GRIN2A: variants seen among roughly 807,000 people sequenced by gnomAD.
The protein encoded by GRIN2A is glutamate ionotropic receptor NMDA type subunit 2A, also known as glutamate receptor ionotropic, NMDA 2A.
A neutral mutation model predicts 113.4 loss-of-function variants in GRIN2A; 22 were observed. That is an observed-to-expected ratio of 0.19 (90% CI 0.14 to 0.28). The LOEUF (loss-of-function observed/expected upper bound fraction) is 0.28. Among genes scored for constraint, GRIN2A ranks in the 10% least tolerant of loss-of-function variants. GRIN2A has a pLI of 1.00. For missense variants in GRIN2A, 1,502 were observed against 1,887.0 expected (o/e 0.80, Z 3.78); for synonymous variants, 827 against 738.4 (o/e 1.12, Z -1.94).
chr16:9,798,571 G>A, intron 10 of GRIN2A, 107 bp from the exon 11 acceptor site: 1 of 790,820 alleles, frequency 1.3e-6, no homozygotes, highest in Non-Finnish European at 2.1e-6. Flanking sequence ...TTTCATGCTG[G>A]TGATGATGAC....
chr16:10,137,002 T>C (rs763251396), intron 2 of GRIN2A, among the ~76,000 whole-genome samples: 3 of 152,172 alleles, frequency 2.0e-5, no homozygotes, highest in African/African-American at 7.2e-5. Flanking sequence ...ATCTGGGATA[T>C]AGCATGAAAT....
chr16:9,945,376 G>T (rs2044993513), intron 2 of GRIN2A, among the ~76,000 whole-genome samples: 1 of 152,026 alleles, frequency 6.6e-6, no homozygotes, highest in African/African-American at 2.4e-5. Flanking sequence ...CATATGCCAA[G>T]GTAAGCGAGG....
intron 2 of GRIN2A, among the ~76,000 whole-genome samples, chr16:10,040,644 TAC>T (rs1328092398): frequency 1.3e-5 from 2 of 151,174 alleles, no homozygotes; most frequent in African/African-American, 4.9e-5. Context: ...ACACATAGCA[TAC>T]ACACACAAAT....
intron 2 of GRIN2A, among the ~76,000 whole-genome samples, chr16:9,980,246 C>G (rs1298931818): frequency 2.0e-5 from 3 of 151,324 alleles, no homozygotes; most frequent in Non-Finnish European, 4.4e-5. Flanking sequence ...GCACTCCAGC[C>G]TGGACAACAG....
rs2141128184 is a variant in GRIN2A, at chr16:9,763,597, C to G, written c.3947G>C (p.Arg1316Thr). The change falls in exon 13 of 13, where the codon AGG (arginine) becomes ACG (threonine). Residue 1316 changes from arginine (R) to threonine (T), a missense_variant. Arg to Thr is a moderately conservative substitution (Grantham distance 71). Coordinates refer to ENST00000330684, the MANE Select transcript of GRIN2A (RefSeq NM_001134407.3). ...AAAATTTCCCTCCAGAAGCCGTTCC[C>G]TGTCCTTGAGGCTTATGCTCCGGGA... ...RPSRSISLKD[R>T]ERLLEGNFYG... The G allele has an allele frequency of 2.5e-6, 4 of 1,613,676 alleles. No individual in the cohort carries two copies. Among genetic ancestry groups the G allele is most frequent in the Non-Finnish European group, 3.4e-6 (4 of 1,179,980 alleles).
intron 2 of GRIN2A, among the ~76,000 whole-genome samples, chr16:10,117,176 G>GCTC (rs1384004808): frequency 1.3e-5 from 2 of 152,164 alleles, no homozygotes; most frequent in African/African-American, 4.8e-5. Context: ...CACACAGTTG[G>GCTC]CTCTAGTTGT....
At chr16:10,100,710 G>A (rs2048377402) in intron 2 of GRIN2A, among the ~76,000 whole-genome samples, 1 of 152,196 alleles carries the variant, frequency 6.6e-6, no homozygotes, top group Non-Finnish European at 1.5e-5. Flanking sequence ...TGAAGGCATA[G>A]TGCCCCCCTG....
At chr16:10,023,151 C>T (rs1403894480) in intron 2 of GRIN2A, among the ~76,000 whole-genome samples, 1 of 152,148 alleles carries the variant, frequency 6.6e-6, no homozygotes, top group Non-Finnish European at 1.5e-5. Flanking sequence ...CCGACTGAGT[C>T]CACTCAGGCT....
chr16:9,917,627 T>C (rs769905902), intron 3 of GRIN2A, among the ~76,000 whole-genome samples: 15 of 152,246 alleles, frequency 9.9e-5, no homozygotes, highest in Non-Finnish European at 2.2e-4. Context: ...TTATAATAGC[T>C]AGACTCTTCA....
intron 2 of GRIN2A, among the ~76,000 whole-genome samples, chr16:10,126,785 A>G (rs2048947340): frequency 6.6e-6 from 1 of 152,190 alleles, no homozygotes; most frequent in Non-Finnish European, 1.5e-5. Flanking sequence ...TCTTTGAAAT[A>G]TGGTTTCTAG....
intron 2 of GRIN2A, among the ~76,000 whole-genome samples, chr16:10,025,444 G>A (rs2046802603): frequency 6.6e-6 from 1 of 151,808 alleles, no homozygotes; most frequent in South Asian, 2.1e-4. Flanking sequence ...TGGGACTATA[G>A]GCCTATGCCA....
At chr16:10,130,654 G>C (rs1329414365) in intron 2 of GRIN2A, among the ~76,000 whole-genome samples, 1 of 152,162 alleles carries the variant, frequency 6.6e-6, no homozygotes, top group East Asian at 1.9e-4. Context: ...TCACATGATG[G>C]AATGTTGAGG....
At chr16:9,892,475 G>T (rs116901851) in intron 3 of GRIN2A, among the ~76,000 whole-genome samples, 1 of 152,154 alleles carries the variant, frequency 6.6e-6, no homozygotes, top group Admixed American at 6.5e-5. Context: ...AAACAAGACC[G>T]AGTGGAGAGA....
chr16:9,799,756 G>A (rs954899935), intron 10 of GRIN2A, among the ~76,000 whole-genome samples: 1 of 152,102 alleles, frequency 6.6e-6, no homozygotes, highest in Non-Finnish European at 1.5e-5. Context: ...AATACACATA[G>A]CACTTTTAAA....
intron 2 of GRIN2A, among the ~76,000 whole-genome samples, chr16:10,045,755 C>T (rs781391061): frequency 3.7e-4 from 56 of 152,218 alleles, no homozygotes; most frequent in Non-Finnish European, 7.2e-4. Context: ...TCTTGGGGTG[C>T]CCCACCCAAC....
intron 2 of GRIN2A, among the ~76,000 whole-genome samples, chr16:9,945,043 G>C (rs188462226): frequency 1.3e-5 from 2 of 152,156 alleles, no homozygotes; most frequent in Non-Finnish European, 2.9e-5. Flanking sequence ...ACAATTGGCC[G>C]GGTATGGTGG....
intron 2 of GRIN2A, among the ~76,000 whole-genome samples, chr16:10,055,081 A>G (rs1416336230): frequency 6.3e-5 from 5 of 79,410 alleles, no homozygotes; most frequent in African/African-American, 2.5e-4. Context: ...AAAAAAAAAA[A>G]AAAAGAAAAA....
At chr16:9,941,082 T>A (rs1306858531) in intron 2 of GRIN2A, among the ~76,000 whole-genome samples, 1 of 152,054 alleles carries the variant, frequency 6.6e-6, no homozygotes, top group Non-Finnish European at 1.5e-5. Context: ...CTGCAAAAGG[T>A]GGTGGATCAG....
intron 2 of GRIN2A, among the ~76,000 whole-genome samples, chr16:9,975,929 G>A (rs1397987189): frequency 6.6e-6 from 1 of 152,158 alleles, no homozygotes; most frequent in East Asian, 1.9e-4. Context: ...ATTTCATAAT[G>A]AGAAAAGGGT....
Sources: gnomAD v4.1 joint callset for allele counts (sites outside exome capture counted in the v4.1 genomes callset) on GRCh38, gnomAD v4.1.1 for gene constraint, MANE v1.5 for transcripts, NCBI Gene and HGNC (gene_info 2026-07-23, HGNC 2026-07-21) for gene names.